The following VTI1A variants were observed in gnomAD, a reference collection of about 807,000 sequenced individuals.
VTI1A encodes the protein vesicle transport through interaction with t-SNAREs 1A, also known as vesicle transport through interaction with t-SNAREs homolog 1A.
In VTI1A, 22 loss-of-function variants were observed where a neutral mutation model predicts 34.9. The ratio of observed to expected loss-of-function variants is 0.63; its 90% confidence interval spans 0.45 to 0.90. VTI1A has a LOEUF of 0.90. VTI1A is among the 40% of genes least tolerant of loss of function. The pLI is 0.00. For missense variants in VTI1A, 268 were observed against 275.6 expected (o/e 0.97, Z 0.20); for synonymous variants, 87 against 97.3 (o/e 0.89, Z 0.62).
At chr10:112,785,351 T>G (rs561100969) in intron 7 of VTI1A, among the ~76,000 whole-genome samples, 1 of 152,348 alleles carries the variant, frequency 6.6e-6, no homozygotes, top group East Asian at 1.9e-4. Context: ...GCTCTGGAGC[T>G]TGTAAGACTC....
chr10:112,836,772 G>A, the VTI1A span, among the ~76,000 whole-genome samples: 5 of 152,146 alleles, frequency 3.3e-5, no homozygotes, highest in East Asian at 1.9e-4. Context: ...TATGGAATCC[G>A]TGGTTTCAGG....
intron 3 of VTI1A, among the ~76,000 whole-genome samples, chr10:112,470,579 C>T (rs1848041922): frequency 6.6e-6 from 1 of 152,182 alleles, no homozygotes; most frequent in Admixed American, 6.5e-5. Context: ...AAAGCTTCCT[C>T]TGTTACCTTT....
Position 112,596,312 on chromosome 10 carries a change from T to G in VTI1A, c.427+57982T>G, listed in dbSNP as rs1395031214. On this transcript the variant is annotated intron_variant, in intron 5 of 7. Transcript: ENST00000393077. ...ATGTACCCTAAAACTTAAAATATAA[T>G]AATAAAAAAGCCTGCTTTTAGAATT... 6.6e-5 allele frequency among the ~76,000 whole-genome samples: 3 copies of G among 45,476 alleles called. No individual in the cohort carries two copies. In the East Asian group the frequency reaches 8.4e-4, roughly 13 times the overall value. 29.8% of individuals were successfully genotyped at this position (45,476 alleles called of 152,430 possible).
intron 7 of VTI1A, among the ~76,000 whole-genome samples, chr10:112,814,624 GGC>G (rs988258627): frequency 6.6e-6 from 1 of 152,118 alleles, no homozygotes; most frequent in Non-Finnish European, 1.5e-5. Flanking sequence ...TGGAGGTAAA[GGC>G]CCAGCAACAG....
At chr10:112,744,737 G>A (rs116321584) in intron 7 of VTI1A, among the ~76,000 whole-genome samples, 3,136 of 152,226 alleles carry the variant, frequency 0.021, 111 homozygotes, top group African/African-American at 0.071. Flanking sequence ...GAGCCAAGGC[G>A]CCTGGCCTAC....
chr10:112,575,515 A>C (rs1203234380), intron 5 of VTI1A, among the ~76,000 whole-genome samples: 1 of 152,182 alleles, frequency 6.6e-6, no homozygotes, highest in Non-Finnish European at 1.5e-5. Context: ...GTTCGCGTCC[A>C]TTGTGTGTTT....
At chr10:112,534,702 C>CAGT (rs2134244023) in intron 4 of VTI1A, among the ~76,000 whole-genome samples, 1 of 152,190 alleles carries the variant, frequency 6.6e-6, no homozygotes, top group South Asian at 2.1e-4. Context: ...ATCTTCCCTA[C>CAGT]AGGGGAGCAG....
chr10:112,782,074 G>A (rs1852147434), intron 7 of VTI1A, among the ~76,000 whole-genome samples: 1 of 152,152 alleles, frequency 6.6e-6, no homozygotes, highest in Non-Finnish European at 1.5e-5. Flanking sequence ...CCTTTGTAGC[G>A]ATTACCACAG....
chr10:112,840,849 C>T, the VTI1A span, among the ~76,000 whole-genome samples: 38 of 152,178 alleles, frequency 2.5e-4, no homozygotes, highest in African/African-American at 8.2e-4. Context: ...GTGGGTTTTG[C>T]CTGGGTTCAA....
At chr10:112,675,221 A>G (rs773641696) in intron 7 of VTI1A, among the ~76,000 whole-genome samples, 3 of 152,180 alleles carry the variant, frequency 2.0e-5, no homozygotes, top group Non-Finnish European at 4.4e-5. Context: ...GACATTTGTT[A>G]TACGTTATCT....
chr10:112,460,385 C>T (rs1589793000), intron 1 of VTI1A, 139 bp from the exon 2 acceptor site: 3 of 700,140 alleles, frequency 4.3e-6, no homozygotes, highest in East Asian at 3.1e-5. Context: ...TCAAACCCAC[C>T]AAAGAATGAT....
At chr10:112,821,670 CCT>C (rs1444295371), downstream of VTI1A, among the ~76,000 whole-genome samples, 1 of 152,206 alleles carries the variant, frequency 6.6e-6, no homozygotes, top group Admixed American at 6.5e-5. Flanking sequence ...GTTACTCTCC[CCT>C]GTCTCATCCC....
chr10:112,672,712 G>A (rs995670718), intron 7 of VTI1A: 1 of 152,174 alleles, frequency 6.6e-6, no homozygotes, highest in Admixed American at 6.5e-5. Flanking sequence ...GTGTCTGTGT[G>A]TGTATTTTTT....
intron 7 of VTI1A, among the ~76,000 whole-genome samples, chr10:112,805,026 ATT>A (rs568126251): frequency 1.4e-5 from 2 of 142,904 alleles, no homozygotes; most frequent in African/African-American, 2.6e-5. Context: ...ACGCCTGGCT[ATT>A]TTTTTTTTTT....
intron 7 of VTI1A, among the ~76,000 whole-genome samples, chr10:112,709,162 G>A (rs186181437): frequency 3.4e-4 from 51 of 152,108 alleles, no homozygotes; most frequent in African/African-American, 8.7e-4. Context: ...GATTAGTCCC[G>A]GCCTTCATTT....
At chr10:112,601,111 A>G (rs568243768) in intron 5 of VTI1A, among the ~76,000 whole-genome samples, 1 of 152,274 alleles carries the variant, frequency 6.6e-6, no homozygotes, top group Admixed American at 6.5e-5. Flanking sequence ...AGCATTAGGG[A>G]AACCTTCATT....
At chr10:112,453,020 G>A (rs1405260129) in intron 1 of VTI1A, among the ~76,000 whole-genome samples, 1 of 152,040 alleles carries the variant, frequency 6.6e-6, no homozygotes, top group Non-Finnish European at 1.5e-5. Context: ...AAAACATTTA[G>A]TACTCATGGA....
intron 7 of VTI1A, among the ~76,000 whole-genome samples, chr10:112,809,134 A>C (rs1853198946): frequency 1.3e-5 from 2 of 152,220 alleles, no homozygotes; most frequent in African/African-American, 4.8e-5. Flanking sequence ...CTAGAGATGC[A>C]GGACATAGAA....
chr10:112,638,440 C>T lies in VTI1A; in HGVS notation c.428-29778C>T, dbSNP rs566860906. Among the ~76,000 whole-genome samples, 194 of 152,306 alleles carry T rather than the reference C, an allele frequency of 1.3e-3. 1 individual carries two copies. The highest frequency in any genetic ancestry group is 4.3e-3 in the African/African-American group (178 of 41,562). ...GAAAATTTGTAAGCTGATCTTATTA[C>T]ACCCTAAACATTTACTTATTTTAAC... On this transcript the variant is annotated intron_variant, in intron 5 of 7. Transcript: ENST00000393077.
Sources: allele counts gnomAD v4.1 joint callset (sites outside exome capture counted in the v4.1 genomes callset), GRCh38; gene constraint gnomAD v4.1.1; transcripts MANE v1.5; gene names NCBI Gene and HGNC (gene_info 2026-07-23, HGNC 2026-07-21).